Variants in SNX29 observed in about 807,000 individuals in gnomAD.
SNX29 encodes sorting nexin-29.
Under a neutral mutation model 102.1 loss-of-function variants are expected in SNX29, and 78 were observed. The ratio of observed to expected loss-of-function variants is 0.76; its 90% CI spans 0.64 to 0.92. The LOEUF (loss-of-function observed/expected upper bound fraction) is 0.92. Among genes scored for constraint, SNX29 ranks in the 40% least tolerant of loss-of-function variants. The probability of loss-of-function intolerance (pLI) is 0.00; values close to 1 mark genes in which losing one functional copy is unlikely to be tolerated. For missense variants in SNX29, 1,280 were observed against 1,061.7 expected (o/e 1.21, Z -2.86); for synonymous variants, 580 against 414.5 (o/e 1.40, Z -4.85).
intron 15 of SNX29, among the ~76,000 whole-genome samples, chr16:12,299,651 TCA>T (rs1385683064): frequency 2.0e-5 from 3 of 152,146 alleles, no homozygotes; most frequent in Admixed American, 6.5e-5. Flanking sequence ...TTTTCAGTGT[TCA>T]GAGCTAGAAA....
At chr16:12,392,518 G>A (rs866632133) in intron 16 of SNX29, among the ~76,000 whole-genome samples, 2 of 152,082 alleles carry the variant, frequency 1.3e-5, no homozygotes, top group Non-Finnish European at 2.9e-5. Flanking sequence ...TTCACTGAGC[G>A]ATCAGATGTG....
At position 12,060,142 on chromosome 16, in the gene SNX29, A is replaced by G. The variant is rs549777240; in HGVS notation, c.1125-1386A>G. Among the ~76,000 whole-genome samples the G allele has an allele frequency of 5.1e-4, 74 of 145,886 alleles. No homozygotes were observed. In the East Asian group the frequency reaches 6.9e-3, roughly 14 times the overall value. ...CAACCAACTGTGGATCAAAAATATT[A>G]CCAAAAAAAAACCAATAAAAATAAT... On this transcript the variant is annotated intron_variant, in intron 8 of 20. Transcript: ENST00000566228.
intron 14 of SNX29, among the ~76,000 whole-genome samples, chr16:12,257,479 G>T (rs1244764832): frequency 6.7e-6 from 1 of 149,270 alleles, no homozygotes; most frequent in Non-Finnish European, 1.5e-5. Context: ...CATCTTTGGG[G>T]GCCATTCTGC....
At chr16:12,547,104 G>A (rs1039042263) in intron 20 of SNX29, among the ~76,000 whole-genome samples, 11 of 152,214 alleles carry the variant, frequency 7.2e-5, no homozygotes, top group Admixed American at 3.9e-4. Flanking sequence ...GATTTCCAGT[G>A]AAAAGACAGG....
At chr16:12,475,178 G>A (rs567328270) in intron 18 of SNX29, among the ~76,000 whole-genome samples, 1 of 152,342 alleles carries the variant, frequency 6.6e-6, no homozygotes, top group South Asian at 2.1e-4. Context: ...TGATGGGTGA[G>A]TTTGTGCATT....
chr16:12,038,980 G>C (rs1455858953), intron 4 of SNX29, among the ~76,000 whole-genome samples: 2 of 152,176 alleles, frequency 1.3e-5, no homozygotes, highest in African/African-American at 4.8e-5. Context: ...GGATGAGCTT[G>C]GGAAGTGGAT....
At chr16:12,275,990 T>A (rs1433236713) in intron 14 of SNX29, among the ~76,000 whole-genome samples, 2 of 151,300 alleles carry the variant, frequency 1.3e-5, no homozygotes, top group African/African-American at 2.4e-5. Flanking sequence ...TCTCCCTGGT[T>A]TAAGTGACTC....
At chr16:12,242,590 C>T (rs112515750) in intron 14 of SNX29, among the ~76,000 whole-genome samples, 5,549 of 148,336 alleles carry the variant, frequency 0.037, 263 homozygotes, top group African/African-American at 0.12. Flanking sequence ...TTCTTCTTCT[C>T]TTCTTCTTCT....
intron 16 of SNX29, among the ~76,000 whole-genome samples, chr16:12,360,354 A>T (rs898113748): frequency 2.6e-5 from 4 of 152,194 alleles, no homozygotes; most frequent in African/African-American, 9.6e-5. Context: ...TGTGGAAGAC[A>T]CTTGGCTCCT....
intron 18 of SNX29, among the ~76,000 whole-genome samples, chr16:12,411,645 A>G (rs1393040951): frequency 2.0e-5 from 3 of 152,248 alleles, no homozygotes; most frequent in Non-Finnish European, 2.9e-5. Context: ...CCAAACCTGC[A>G]GAACCAGTGG....
chr16:12,385,846 G>A (rs1057141235), intron 16 of SNX29, among the ~76,000 whole-genome samples: 8 of 152,224 alleles, frequency 5.3e-5, no homozygotes, highest in African/African-American at 1.7e-4. Flanking sequence ...AAACGGGGCG[G>A]CAAGATGGAC....
chr16:12,213,357 T>A (rs2077238412), intron 14 of SNX29, among the ~76,000 whole-genome samples: 2 of 152,116 alleles, frequency 1.3e-5, no homozygotes, highest in South Asian at 4.1e-4. Context: ...GATGAAAAAC[T>A]ACCTATTGGG....
intron 14 of SNX29, among the ~76,000 whole-genome samples, chr16:12,267,712 T>G (rs940548589): frequency 2.0e-5 from 3 of 152,168 alleles, no homozygotes; most frequent in African/African-American, 7.2e-5. Context: ...TTCCTCGCAA[T>G]GGAACGGCAA....
chr16:12,153,414 C>T (rs1362684443), intron 13 of SNX29, among the ~76,000 whole-genome samples: 1 of 151,748 alleles, frequency 6.6e-6, no homozygotes, highest in African/African-American at 2.4e-5. Flanking sequence ...CTGGGGAGAT[C>T]CCCCCATGTT....
chr16:12,299,779 ATTTTTTT>A lies in SNX29; in HGVS notation c.1782+21756_1782+21762del, dbSNP rs61233917. Among the ~76,000 whole-genome samples, 10 of 131,312 alleles carry A rather than the reference ATTTTTTT, an allele frequency of 7.6e-5. No homozygotes were observed. The East Asian group carries it at 1.5e-3, about 20-fold the overall frequency. The allele number at this position is 131,312 out of a possible 152,430, so 86.1% of individuals were successfully genotyped here. A position where few individuals can be genotyped will look rare whatever the true frequency, so the allele number is the denominator to read the frequency against. ...TAGATACTTCTAATTCAAATTTCGA[ATTTTTTT>A]TTTTTTTTTTTTACTTAACTACCTT... On this transcript the variant is annotated intron_variant, in intron 15 of 20. Coordinates refer to ENST00000566228, the MANE Select transcript of SNX29 (RefSeq NM_032167.5).
At chr16:12,395,701 C>A (rs2083695529) in intron 16 of SNX29, among the ~76,000 whole-genome samples, 1 of 152,108 alleles carries the variant, frequency 6.6e-6, no homozygotes, top group Non-Finnish European at 1.5e-5. Context: ...TCCAAGATTC[C>A]CCAGACTTCA....
intron 16 of SNX29, among the ~76,000 whole-genome samples, chr16:12,362,385 C>A (rs2082325083): frequency 6.6e-6 from 1 of 152,090 alleles, no homozygotes; most frequent in Non-Finnish European, 1.5e-5. Context: ...AAAGGGTGAC[C>A]ACCTCCTCCC....
chr16:12,080,176 G>A (rs2051794214), intron 11 of SNX29, among the ~76,000 whole-genome samples: 2 of 152,136 alleles, frequency 1.3e-5, no homozygotes, highest in African/African-American at 2.4e-5. Context: ...CAGCATTCAT[G>A]TCATGGTCCC....
At chr16:12,324,920 G>A (rs1026256153) in intron 15 of SNX29, among the ~76,000 whole-genome samples, 3 of 152,118 alleles carry the variant, frequency 2.0e-5, no homozygotes, top group Non-Finnish European at 4.4e-5. Flanking sequence ...AATAAAAACA[G>A]CGTTTCAACC....
Sources: allele counts gnomAD v4.1 joint callset (sites outside exome capture counted in the v4.1 genomes callset), GRCh38; gene constraint gnomAD v4.1.1; transcripts MANE v1.5; gene names NCBI Gene and HGNC (gene_info 2026-07-23, HGNC 2026-07-21).